The following KCNIP4 variants were observed in gnomAD, a reference collection of about 807,000 sequenced individuals.
The protein encoded by KCNIP4 is potassium voltage-gated channel interacting protein 4, also known as Kv channel-interacting protein 4.
Under a neutral mutation model 34.0 loss-of-function variants are expected in KCNIP4, and 12 were observed. The observed-to-expected ratio is 0.35, with a 90% CI of 0.23 to 0.57. KCNIP4 has a LOEUF of 0.57. Among genes scored for constraint, KCNIP4 ranks in the 20% least tolerant of loss-of-function variants. The probability of loss-of-function intolerance (pLI) is 0.83; values close to 1 mark genes in which losing one functional copy is unlikely to be tolerated. For missense variants in KCNIP4, 238 were observed against 311.7 expected (o/e 0.76, Z 1.78); for synonymous variants, 124 against 102.2 (o/e 1.21, Z -1.29).
At chr4:21,542,694 A>G (rs1737807605) in intron 1 of KCNIP4, among the ~76,000 whole-genome samples, 1 of 150,442 alleles carries the variant, frequency 6.6e-6, no homozygotes, top group East Asian at 1.9e-4. Context: ...CATCAAATAT[A>G]TATAAAAATA....
At chr4:20,749,153 T>C (rs35241942) in intron 5 of KCNIP4, among the ~76,000 whole-genome samples, 72,064 of 146,456 alleles carry the variant, frequency 0.49, 18,118 homozygotes, top group African/African-American at 0.57. Context: ...GCGAGACTCT[T>C]TCAAAAAAAA....
At chr4:20,978,839 A>G (rs1449274051) in intron 1 of KCNIP4, among the ~76,000 whole-genome samples, 2 of 152,168 alleles carry the variant, frequency 1.3e-5, no homozygotes, top group Non-Finnish European at 2.9e-5. Context: ...GAAGGCAGCA[A>G]CTATCTTTAA....
chr4:20,788,939 A>G (rs562455246), intron 3 of KCNIP4, among the ~76,000 whole-genome samples: 1 of 152,274 alleles, frequency 6.6e-6, no homozygotes, highest in South Asian at 2.1e-4. Flanking sequence ...GCTCATGAGT[A>G]AAAGGTGTGC....
At chr4:21,816,023 G>T (rs1259040996) in intron 1 of KCNIP4, among the ~76,000 whole-genome samples, 4 of 152,142 alleles carry the variant, frequency 2.6e-5, no homozygotes, top group African/African-American at 9.7e-5. Flanking sequence ...TCACAGGCAG[G>T]TCCTTTGGGA....
At chr4:20,991,775 A>T (rs1485006242) in intron 1 of KCNIP4, among the ~76,000 whole-genome samples, 2 of 152,218 alleles carry the variant, frequency 1.3e-5, no homozygotes, top group African/African-American at 4.8e-5. Context: ...GACAAATGGC[A>T]TCTCCATGGA....
intron 1 of KCNIP4, among the ~76,000 whole-genome samples, chr4:21,311,475 G>A (rs1353516548): frequency 6.6e-6 from 1 of 152,142 alleles, no homozygotes; most frequent in African/African-American, 2.4e-5. Context: ...CGGATCATGA[G>A]GTCAAGAGAT....
chr4:21,379,631 G>A lies in KCNIP4; in HGVS notation c.62-496922C>T, dbSNP rs571469067. ...TAGTCACAGCAGTGACATATAAACT[G>A]TTCTTTTAAAGCCTTCATAGAACCC... On this transcript the variant is annotated intron_variant, in intron 1 of 8. Transcript: ENST00000382152. Among the ~76,000 whole-genome samples the A allele has an allele frequency of 1.3e-3, 200 of 152,270 alleles. 1 individual carries two copies. The highest frequency in any genetic ancestry group is 3.3e-3 in the Admixed American group (51 of 15,290).
chr4:21,088,769 GAC>G, intron 1 of KCNIP4, among the ~76,000 whole-genome samples: 1 of 152,058 alleles, frequency 6.6e-6, no homozygotes, highest in East Asian at 1.9e-4. Context: ...GACAAGATCA[GAC>G]ACATCTTTTT....
intron 1 of KCNIP4, among the ~76,000 whole-genome samples, chr4:21,724,104 C>T (rs188547116): frequency 6.6e-6 from 1 of 152,184 alleles, no homozygotes; most frequent in East Asian, 1.9e-4. Flanking sequence ...AATGATGGTA[C>T]ATGGTCAAGG....
intron 1 of KCNIP4, among the ~76,000 whole-genome samples, chr4:21,057,420 T>C (rs547125086): frequency 1.3e-5 from 2 of 152,298 alleles, no homozygotes; most frequent in Middle Eastern, 6.8e-3. Context: ...AGGAAACCTT[T>C]GTTAGCCTAA....
chr4:20,868,022 AAT>A (rs1491302913), intron 2 of KCNIP4, among the ~76,000 whole-genome samples: 44 of 102,014 alleles, frequency 4.3e-4, no homozygotes, highest in Admixed American at 7.1e-4. Flanking sequence ...GTATAATAAT[AAT>A]AAAAAAAAGA....
chr4:21,762,140 T>C (rs2109171344), intron 1 of KCNIP4, among the ~76,000 whole-genome samples: 1 of 152,294 alleles, frequency 6.6e-6, no homozygotes, highest in East Asian at 1.9e-4. Flanking sequence ...GTGCCACATA[T>C]ATAATTTTAT....
chr4:21,177,198 A>C (rs559387595), intron 1 of KCNIP4, among the ~76,000 whole-genome samples: 1 of 152,302 alleles, frequency 6.6e-6, no homozygotes, highest in East Asian at 1.9e-4. Flanking sequence ...AGTTAAAAAA[A>C]TCTGGCCCGT....
intron 1 of KCNIP4, among the ~76,000 whole-genome samples, chr4:21,745,135 A>G (rs1214763593): frequency 6.6e-6 from 1 of 152,200 alleles, no homozygotes; most frequent in Non-Finnish European, 1.5e-5. Flanking sequence ...AGGTTCTAGA[A>G]AGATCTCCCA....
chr4:21,513,451 T>C (rs1268379808), intron 1 of KCNIP4, among the ~76,000 whole-genome samples: 1 of 152,192 alleles, frequency 6.6e-6, no homozygotes, highest in Non-Finnish European at 1.5e-5. Context: ...GACAGATAAG[T>C]ACCAGAAGGT....
At position 21,083,841 on chromosome 4, in the gene KCNIP4, C is replaced by T. The variant is rs77161953; in HGVS notation, c.62-201132G>A. On this transcript the variant is annotated intron_variant, in intron 1 of 8. Transcript: ENST00000382152. ...CTCTTCTTTGAAATTCTGGAATTGG[C>T]GGCAGGGGAAATTGCATGTAAAAGC... 2.1e-3 allele frequency among the ~76,000 whole-genome samples: 317 copies of T among 151,986 alleles called. 5 individuals are homozygous for T. Among genetic ancestry groups the T allele is most frequent in the African/African-American group, 6.2e-3 (256 of 41,332 alleles).
intron 1 of KCNIP4, among the ~76,000 whole-genome samples, chr4:21,887,476 G>A (rs544403332): frequency 1.3e-5 from 2 of 152,008 alleles, no homozygotes; most frequent in Non-Finnish European, 2.9e-5. Flanking sequence ...TTTGGGATTC[G>A]ATTTCAATGT....
intron 1 of KCNIP4, among the ~76,000 whole-genome samples, chr4:20,892,403 C>T (rs766414621): frequency 1.7e-4 from 26 of 152,164 alleles, no homozygotes; most frequent in Non-Finnish European, 3.5e-4. Flanking sequence ...GTCTCTGTCT[C>T]ACTCTTTCTT....
intron 1 of KCNIP4, among the ~76,000 whole-genome samples, chr4:21,013,712 T>A (rs28702607): frequency 0.016 from 2,417 of 152,314 alleles, 70 homozygotes; most frequent in African/African-American, 0.055. Flanking sequence ...TTGTGGTGGA[T>A]GTCAGTGTCT....
Sources: allele counts gnomAD v4.1 joint callset (sites outside exome capture counted in the v4.1 genomes callset), GRCh38; gene constraint gnomAD v4.1.1; transcripts MANE v1.5; gene names NCBI Gene and HGNC (gene_info 2026-07-23, HGNC 2026-07-21).